The following FSTL5 variants were observed in gnomAD, a reference collection of about 807,000 sequenced individuals.
FSTL5 encodes the protein follistatin-related protein 5.
FSTL5 carries 62 observed loss-of-function variants against 89.1 expected under a neutral mutation model. The observed-to-expected ratio is 0.70, with a 90% CI of 0.57 to 0.86. The LOEUF (loss-of-function observed/expected upper bound fraction) is 0.86. Ranked by LOEUF, FSTL5 falls within the 40% of genes least tolerant of loss-of-function variation. FSTL5 has a pLI of 0.00. For missense variants in FSTL5, 1,057 were observed against 1,001.6 expected (o/e 1.06, Z -0.75); for synonymous variants, 383 against 346.2 (o/e 1.11, Z -1.18).
chr4:161,989,553 T>C (rs766273946), intron 3 of FSTL5, among the ~76,000 whole-genome samples: 1 of 152,142 alleles, frequency 6.6e-6, no homozygotes, highest in Non-Finnish European at 1.5e-5. Context: ...ATTTTATGCA[T>C]GCATCCTAAT....
intron 4 of FSTL5, among the ~76,000 whole-genome samples, chr4:161,803,121 A>G (rs1324712096): frequency 1.3e-5 from 2 of 151,970 alleles, no homozygotes; most frequent in Non-Finnish European, 2.9e-5. Context: ...AACTTACTTA[A>G]ACTTTTATTC....
At chr4:161,541,179 A>C (rs1731807750) in intron 9 of FSTL5, among the ~76,000 whole-genome samples, 1 of 152,066 alleles carries the variant, frequency 6.6e-6, no homozygotes, top group Non-Finnish European at 1.5e-5. Context: ...TGTGTGTAGA[A>C]TTATCTCTTC....
intron 11 of FSTL5, among the ~76,000 whole-genome samples, chr4:161,505,763 A>C (rs1384507936): frequency 6.6e-6 from 1 of 152,176 alleles, no homozygotes; most frequent in Admixed American, 6.5e-5. Context: ...ATGTGCACAT[A>C]TATAGATATC....
intron 5 of FSTL5, among the ~76,000 whole-genome samples, chr4:161,760,706 T>A (rs1225207041): frequency 6.6e-6 from 1 of 152,196 alleles, no homozygotes; most frequent in Non-Finnish European, 1.5e-5. Flanking sequence ...CTTCCAGACA[T>A]CAGCTCGTGC....
chr4:161,551,943 A>G (rs1299045459), intron 8 of FSTL5, among the ~76,000 whole-genome samples: 1 of 152,056 alleles, frequency 6.6e-6, no homozygotes, highest in Non-Finnish European at 1.5e-5. Context: ...CTTCATGTCT[A>G]AAACACCAAA....
rs145040212 is a variant in FSTL5, at chr4:161,653,102, G to A, written c.894+3226C>T. Among the ~76,000 whole-genome samples, 917 of 152,242 alleles carry A rather than the reference G, an allele frequency of 6.0e-3. 9 individuals carry two copies. The highest frequency in any genetic ancestry group is 0.046 in the South Asian group (220 of 4,822). On this transcript the variant is annotated intron_variant, in intron 7 of 15. Coordinates refer to ENST00000306100, the MANE Select transcript of FSTL5 (RefSeq NM_020116.5). ...TAATTAGACAACATTCTTAGTGGCA[G>A]ACAACAGAACCCATTCCAGGTAGTT...
chr4:161,520,015 C>T (rs997791479), intron 10 of FSTL5, among the ~76,000 whole-genome samples: 17 of 152,152 alleles, frequency 1.1e-4, no homozygotes, highest in African/African-American at 4.1e-4. Context: ...TGATCATACA[C>T]ATAAAGTTAA....
At chr4:161,414,818 A>G (rs183382132) in intron 15 of FSTL5, among the ~76,000 whole-genome samples, 45 of 152,280 alleles carry the variant, frequency 3.0e-4, no homozygotes, top group African/African-American at 1.0e-3. Flanking sequence ...GTTTCTAATG[A>G]TTCTTTGTAT....
At chr4:161,481,995 C>T (rs769280393) in intron 12 of FSTL5, among the ~76,000 whole-genome samples, 66 of 152,162 alleles carry the variant, frequency 4.3e-4, no homozygotes, top group Non-Finnish European at 1.2e-4. Flanking sequence ...AGGAAAACCA[C>T]TAATAAGAGA....
intron 3 of FSTL5, among the ~76,000 whole-genome samples, chr4:161,970,801 G>T (rs1016697747): frequency 6.6e-6 from 1 of 151,776 alleles, no homozygotes; most frequent in East Asian, 1.9e-4. Context: ...TATAGTCTCT[G>T]AATTGCAAAA....
chr4:161,415,895 G>A (rs1410351283), intron 15 of FSTL5, among the ~76,000 whole-genome samples: 1 of 149,844 alleles, frequency 6.7e-6, no homozygotes, highest in Non-Finnish European at 1.5e-5. Flanking sequence ...TTTAATTTAT[G>A]TCTACAACGG....
chr4:161,578,506 C>A (rs993853008), intron 8 of FSTL5, among the ~76,000 whole-genome samples: 16 of 151,818 alleles, frequency 1.1e-4, no homozygotes, highest in Admixed American at 9.8e-4. Flanking sequence ...GACACACATA[C>A]CTATAATTTG....
At chr4:162,123,836 T>G (rs1235054164) in intron 1 of FSTL5, among the ~76,000 whole-genome samples, 2 of 151,742 alleles carry the variant, frequency 1.3e-5, no homozygotes, top group Non-Finnish European at 2.9e-5. Flanking sequence ...GTAAAAGATT[T>G]TTTTTTAACT....
intron 8 of FSTL5, among the ~76,000 whole-genome samples, chr4:161,572,407 A>G (rs2126587441): frequency 6.6e-6 from 1 of 151,846 alleles, no homozygotes; most frequent in East Asian, 1.9e-4. Flanking sequence ...GACAAGTGGC[A>G]AAAGTGCTGT....
chr4:161,990,861 C>T (rs114899066), intron 3 of FSTL5, among the ~76,000 whole-genome samples: 8,347 of 152,158 alleles, frequency 0.055, 260 homozygotes, highest in Non-Finnish European at 0.077. Context: ...TGAAATTGAA[C>T]TGTGGAGACC....
At chr4:161,472,827 C>A (rs1733995621) in intron 13 of FSTL5, among the ~76,000 whole-genome samples, 1 of 151,718 alleles carries the variant, frequency 6.6e-6, no homozygotes, top group Non-Finnish European at 1.5e-5. Context: ...TGGGTTCAAG[C>A]AATTCTCCTG....
At chr4:161,419,065 C>T (rs1731889767) in intron 15 of FSTL5, among the ~76,000 whole-genome samples, 1 of 152,204 alleles carries the variant, frequency 6.6e-6, no homozygotes, top group South Asian at 2.1e-4. Context: ...AAACACACTT[C>T]TCAATCACAT....
chr4:161,616,248 G>A (rs550964938), intron 7 of FSTL5, among the ~76,000 whole-genome samples: 29 of 151,932 alleles, frequency 1.9e-4, no homozygotes, highest in African/African-American at 5.8e-4. Flanking sequence ...CACCATGCCC[G>A]CTAATCTTTT....
At chr4:161,469,045 G>A (rs913267030) in intron 13 of FSTL5, among the ~76,000 whole-genome samples, 1 of 151,936 alleles carries the variant, frequency 6.6e-6, no homozygotes, top group Non-Finnish European at 1.5e-5. Flanking sequence ...TTGTAAAATG[G>A]AACCATTATA....
Sources: gnomAD v4.1 joint callset for allele counts (sites outside exome capture counted in the v4.1 genomes callset) on GRCh38, gnomAD v4.1.1 for gene constraint, MANE v1.5 for transcripts, NCBI Gene and HGNC (gene_info 2026-07-23, HGNC 2026-07-21) for gene names.